The following DIPK1A variants were observed in gnomAD, a reference collection of about 807,000 sequenced individuals.
DIPK1A encodes divergent protein kinase domain 1A.
DIPK1A carries 27 observed loss-of-function variants against 40.8 expected under a neutral mutation model. That is an observed-to-expected ratio of 0.66 (90% confidence interval 0.49 to 0.91). The LOEUF (loss-of-function observed/expected upper bound fraction) is 0.91. Among genes scored for constraint, DIPK1A ranks in the 40% least tolerant of loss-of-function variants. The pLI is 0.00. For synonymous variants in DIPK1A, 166 were observed against 171.3 expected (o/e 0.97, Z 0.24); for missense variants, 412 against 505.7 (o/e 0.81, Z 1.78).
intron 1 of DIPK1A, among the ~76,000 whole-genome samples, chr1:92,884,225 T>C (rs1427164701): frequency 1.3e-5 from 2 of 152,066 alleles, no homozygotes; most frequent in East Asian, 1.9e-4. Context: ...AGGCTGAGGA[T>C]TGCTTGAGCT....
intron 1 of DIPK1A, among the ~76,000 whole-genome samples, chr1:92,880,725 C>T (rs2774946): frequency 0.69 from 103,959 of 151,686 alleles, 36,120 homozygotes; most frequent in East Asian, 0.95. Context: ...AAAAAATTGG[C>T]TGGGCGTGGT....
intron 1 of DIPK1A, among the ~76,000 whole-genome samples, chr1:92,913,520 A>AATTAGGTGAAAGTAGAGTTTAAT (rs1649925990): frequency 6.6e-6 from 1 of 152,196 alleles, no homozygotes; most frequent in South Asian, 2.1e-4. Flanking sequence ...CTCCTTTTGT[A>AATTAGGTGAAAGTAGAGTTTAAT]TTAATTAGGG....
At chr1:92,940,468 GTAC>G (rs1044327893) in intron 1 of DIPK1A, among the ~76,000 whole-genome samples, 20 of 151,982 alleles carry the variant, frequency 1.3e-4, no homozygotes, top group African/African-American at 4.8e-4. Context: ...GGGACTTTTG[GTAC>G]TACAATTCTA....
At chr1:92,915,985 A>G (rs972164961) in intron 1 of DIPK1A, among the ~76,000 whole-genome samples, 42 of 152,326 alleles carry the variant, frequency 2.8e-4, no homozygotes, top group African/African-American at 9.9e-4. Context: ...CCTTGAAAAC[A>G]TTTTGCTAAG....
chr1:92,959,905 T>TTTTTTTTTTTTTTC (rs1652001555), intron 1 of DIPK1A, among the ~76,000 whole-genome samples: 1 of 87,468 alleles, frequency 1.1e-5, no homozygotes, highest in African/African-American at 4.6e-5. Flanking sequence ...CCAACCAACT[T>TTTTTTTTTTTTTTC]TTTTTTTTTT....
Position 92,836,264 on chromosome 1 carries a change from A to G in DIPK1A, c.475-3230T>C. The G allele has an allele frequency of 1.2e-6, 2 of 1,614,012 alleles. No individual in the cohort carries two copies. Among genetic ancestry groups the G allele is most frequent in the Non-Finnish European group, 1.7e-6 (2 of 1,180,004 alleles). ...TGACTGGTGATGAATACAATGTGGAAAGCATTGATGGTCAGCCAGGTGCCT... is the reference window on the plus strand; with the variant it reads ...TGACTGGTGATGAATACAATGTGGAGAGCATTGATGGTCAGCCAGGTGCCT... On this transcript the variant is annotated intron_variant, in intron 4 of 4. Coordinates refer to the DIPK1A transcript ENST00000615519.
downstream of DIPK1A, chr1:92,841,803 G>T (rs764283613): frequency 3.1e-6 from 5 of 1,611,608 alleles, no homozygotes; most frequent in Admixed American, 1.7e-5. Context: ...TCAGAAGAAG[G>T]ATCGGGTAGC....
In DIPK1A at chr1:92,843,911, G is replaced by T. The variant is rs1320385286; in HGVS notation, c.759C>A (p.Phe253Leu). The change falls in exon 5 of 5, where the codon TTC (phenylalanine) becomes TTA (leucine). Residue 253 changes from phenylalanine to leucine, a missense_variant. Phe to Leu is a conservative substitution (Grantham distance 22, BLOSUM62 0). Coordinates refer to ENST00000370310, the MANE Select transcript of DIPK1A (RefSeq NM_001006605.5). ...TGAACAGCTGATCCATGCTTCTTCT[G>T]AACCCAGATGGAATAAAAAGTTCAA... ...WVIELFIPSGFRRSMDQLFTP... is the reference protein window; with the variant it reads ...WVIELFIPSGLRRSMDQLFTP... The T allele has an allele frequency of 1.3e-6, 2 of 1,551,690 alleles. No individual in the cohort carries two copies. The highest frequency in any genetic ancestry group is 3.9e-5 in the Admixed American group (2 of 50,998).
At position 92,847,264 on chromosome 1, in the gene DIPK1A, T is replaced by C. The variant is rs760012582; in HGVS notation, c.393A>G (p.Arg131=). Reference sequence around the variant, plus strand: ...GCTTATCAAATAGCACTATTTCTTTTCTTGGTTCCAATTCAGTTCCAAAAT... The same window carrying C: ...GCTTATCAAATAGCACTATTTCTTTCCTTGGTTCCAATTCAGTTCCAAAAT... ...HLDFGTELEP[R]KEIVLFDKPT... is the part of the protein sequence containing the mutation. The change falls in exon 4 of 5, where the codon AGA becomes AGG. Residue 131 remains arginine, a synonymous_variant. Coordinates refer to ENST00000370310, the MANE Select transcript of DIPK1A (RefSeq NM_001006605.5). The C allele has an allele frequency of 6.2e-7, 1 of 1,612,642 alleles. No individual in the cohort carries two copies. The highest frequency in any genetic ancestry group is 1.7e-5 in the Admixed American group (1 of 59,928).
chr1:92,939,090 C>T (rs536093181), intron 1 of DIPK1A, among the ~76,000 whole-genome samples: 6 of 152,034 alleles, frequency 3.9e-5, no homozygotes, highest in Non-Finnish European at 8.8e-5. Context: ...TTAGCAGAGA[C>T]GGGGCTTCAC....
intron 1 of DIPK1A, among the ~76,000 whole-genome samples, chr1:92,880,455 C>T (rs1571085067): frequency 6.6e-6 from 1 of 152,084 alleles, no homozygotes; most frequent in Non-Finnish European, 1.5e-5. Context: ...TTTAAAATAT[C>T]GTTTGATTTC....
Position 92,847,163 on chromosome 1 carries a change from A to G in DIPK1A, c.474+20T>C, listed in dbSNP as rs1687667593. 4 of 1,476,826 alleles carry G rather than the reference A, an allele frequency of 2.7e-6. No individual in the cohort carries two copies. The South Asian group carries it at 4.1e-5, about 15-fold the overall frequency. The allele number at this position is 1,476,826 out of a possible 1,614,324, so 91.5% of individuals were successfully genotyped here. On this transcript the variant is annotated intron_variant, in intron 4 of 4. Transcript: ENST00000370310. ...AAGAGTCCCACTTCACACTAGCAAC[A>G]TATGAATGGGTATGCTTACCTTAAA...
chr1:92,865,245 C>T lies in DIPK1A; in HGVS notation c.189+11051G>A, dbSNP rs143506998. ...GGGCATGGTAGCTCATGCCTGTAGT[C>T]TCAGCTACTTGAGAGGCTGAGGTGG... On this transcript the variant is annotated intron_variant, in intron 2 of 4. Coordinates refer to ENST00000370310, the MANE Select transcript of DIPK1A (RefSeq NM_001006605.5). 2.7e-3 allele frequency among the ~76,000 whole-genome samples: 409 copies of T among 151,940 alleles called. 6 individuals are homozygous for T. In the South Asian group the frequency reaches 0.031, roughly 11 times the overall value.
At chr1:92,839,266 G>GT (rs1557443055), downstream of DIPK1A, among the ~76,000 whole-genome samples, 1 of 152,192 alleles carries the variant, frequency 6.6e-6, no homozygotes, top group Non-Finnish European at 1.5e-5. Flanking sequence ...GGCTGAGGCA[G>GT]AAGAATTGCT....
At chr1:92,841,827 A>T, downstream of DIPK1A, 1 of 1,611,888 alleles carries the variant, frequency 6.2e-7, no homozygotes, top group Non-Finnish European at 8.5e-7. Context: ...AAAGAAGGCA[A>T]GCTTCCTCAG....
intron 1 of DIPK1A, among the ~76,000 whole-genome samples, chr1:92,955,011 A>G (rs191919012): frequency 6.6e-6 from 1 of 152,352 alleles, no homozygotes. Context: ...GTTAAAAAGA[A>G]ATGAGCTATT....
chr1:92,861,321 C>CTTTTTTTTTTTTTTTTTTTTTTTTTTTTT (rs71230876), intron 2 of DIPK1A, among the ~76,000 whole-genome samples: 2 of 83,546 alleles, frequency 2.4e-5, no homozygotes, highest in Non-Finnish European at 2.1e-5. Context: ...CTCTCTCTCT[C>CTTTTTTTTTTTTTTTTTTTTTTTTTTTTT]TTTTTTTTTT....
chr1:92,838,122 C>A (rs1687198217), downstream of DIPK1A, among the ~76,000 whole-genome samples: 1 of 152,090 alleles, frequency 6.6e-6, no homozygotes, highest in Non-Finnish European at 1.5e-5. Context: ...CATTCCTGAC[C>A]CAGGTTCTTT....
intron 4 of DIPK1A, chr1:92,833,859 C>G: frequency 3.4e-6 from 2 of 581,590 alleles, no homozygotes; most frequent in Non-Finnish European, 3.0e-6. Flanking sequence ...GCGCTCATGC[C>G]TGTAATCCCA....
Sources: allele counts gnomAD v4.1 joint callset (sites outside exome capture counted in the v4.1 genomes callset), GRCh38; gene constraint gnomAD v4.1.1; transcripts MANE v1.5; gene names NCBI Gene and HGNC (gene_info 2026-07-23, HGNC 2026-07-21).